The following MAP6 variants were observed in gnomAD, a reference collection of about 807,000 sequenced individuals.
MAP6 encodes microtubule-associated protein 6.
In MAP6, 26 loss-of-function variants were observed where a neutral mutation model predicts 42.4. The observed-to-expected ratio is 0.61, with a 90% CI of 0.45 to 0.85. MAP6 has a LOEUF of 0.85. Among genes scored for constraint, MAP6 ranks in the 40% least tolerant of loss-of-function variants. The pLI is 0.00. For missense variants in MAP6, 966 were observed against 1,099.0 expected (o/e 0.88, Z 1.71); for synonymous variants, 418 against 443.8 (o/e 0.94, Z 0.73).
At chr11:75,648,034 C>G (rs919640260) in intron 1 of MAP6, among the ~76,000 whole-genome samples, 4 of 152,010 alleles carry the variant, frequency 2.6e-5, no homozygotes, top group Non-Finnish European at 5.9e-5. Flanking sequence ...ATAGTGGGAA[C>G]TTTTTTAATC....
At chr11:75,604,795 G>GT (rs1388761334) in intron 3 of MAP6, 1 of 985,356 alleles carries the variant, frequency 1.0e-6, no homozygotes, top group Non-Finnish European at 1.2e-6. Context: ...CTGCAGCTAA[G>GT]TCACAGACAT....
chr11:75,598,266 T>C (rs1239584772), intron 3 of MAP6, among the ~76,000 whole-genome samples: 1 of 152,186 alleles, frequency 6.6e-6, no homozygotes, highest in Non-Finnish European at 1.5e-5. Context: ...AGCTAGTAAA[T>C]AGTAGAGCTT....
chr11:75,636,827 C>G (rs564492824), intron 1 of MAP6, among the ~76,000 whole-genome samples: 1 of 152,218 alleles, frequency 6.6e-6, no homozygotes, highest in Non-Finnish European at 1.5e-5. Flanking sequence ...AGAAGCCTTT[C>G]ATCCATATTC....
chr11:75,600,188 C>T (rs949139354), intron 3 of MAP6, among the ~76,000 whole-genome samples: 2 of 152,102 alleles, frequency 1.3e-5, no homozygotes, highest in African/African-American at 4.8e-5. Flanking sequence ...TCCAGGGGTT[C>T]CCTACAGCCC....
rs1045468966 is a variant in MAP6 at position 75,667,122 on chromosome 11, A to G, written c.905+343T>C. 2.0e-5 allele frequency among the ~76,000 whole-genome samples: 3 copies of G among 152,026 alleles called. No individual in the cohort carries two copies. The highest frequency in any genetic ancestry group is 7.3e-5 in the African/African-American group (3 of 41,376). On this transcript the variant is annotated intron_variant, in intron 1 of 3. Coordinates refer to ENST00000304771, the MANE Select transcript of MAP6 (RefSeq NM_033063.2). The surrounding 1 kb of genome is among the most constrained non-coding windows in gnomAD (Gnocchi z 5.6). ...AACATCCAGGCTAACGCAGCAGGTGAGTTGGATGGGGGCACGACGGAAGCA... is the reference window on the plus strand; with the variant it reads ...AACATCCAGGCTAACGCAGCAGGTGGGTTGGATGGGGGCACGACGGAAGCA...
At chr11:75,633,003 C>CT (rs1943308381) in intron 1 of MAP6, among the ~76,000 whole-genome samples, 1 of 146,906 alleles carries the variant, frequency 6.8e-6, no homozygotes, top group Non-Finnish European at 1.5e-5. Context: ...TTCTTTTTTT[C>CT]TTTTTTCTTT....
intron 1 of MAP6, among the ~76,000 whole-genome samples, chr11:75,622,902 G>T (rs997767520): frequency 6.6e-6 from 1 of 152,172 alleles, no homozygotes; most frequent in African/African-American, 2.4e-5. Context: ...TTAATGAACC[G>T]ATTGTTAAAT....
At chr11:75,664,287 C>T (rs763126604) in intron 1 of MAP6, among the ~76,000 whole-genome samples, 3 of 152,200 alleles carry the variant, frequency 2.0e-5, no homozygotes, top group Non-Finnish European at 2.9e-5. Flanking sequence ...AAATCTCAGG[C>T]TGATATGAAT....
In MAP6 at chr11:75,667,628, C is replaced by T. The variant is rs1341988764; in HGVS notation, c.742G>A (p.Val248Met). The change falls in exon 1 of 4, where the codon GTG becomes ATG. Residue 248 changes from valine to methionine, a missense_variant. Physicochemically the swap from Val to Met is conservative, Grantham distance 21. Around this residue, in one of 2 missense-constraint regions of MAP6, gnomAD observed 943 missense variants for 1,049.9 expected, o/e 0.90. Coordinates refer to ENST00000304771, the MANE Select transcript of MAP6 (RefSeq NM_033063.2). This position sits in a 1 kb window ranked among gnomAD's most constrained non-coding sequence, Gnocchi z 5.6. ...TRRKAGPAWI[V>M]RRAEGLGHEQ... Reference sequence around the variant, plus strand: ...TGCCCCAGGCCCTCGGCGCGGCGCACAATCCAGGCAGGCCCGGCCTTCCTG... The same window carrying T: ...TGCCCCAGGCCCTCGGCGCGGCGCATAATCCAGGCAGGCCCGGCCTTCCTG... 7.8e-7 allele frequency: 1 copy of T among 1,282,202 alleles called. No individual in the cohort carries two copies. Among genetic ancestry groups the T allele is most frequent in the Non-Finnish European group, 9.8e-7 (1 of 1,021,446 alleles). 79.4% of individuals were successfully genotyped at this position (1,282,202 alleles called of 1,614,324 possible).
intron 1 of MAP6, among the ~76,000 whole-genome samples, chr11:75,649,467 G>GA (rs766522857): frequency 1.8e-4 from 27 of 152,002 alleles, no homozygotes; most frequent in African/African-American, 6.0e-4. Flanking sequence ...TAGTGGGGGG[G>GA]AAAAATAACA....
At chr11:75,601,140 C>T (rs1482177291) in intron 3 of MAP6, among the ~76,000 whole-genome samples, 1 of 152,202 alleles carries the variant, frequency 6.6e-6, no homozygotes, top group Non-Finnish European at 1.5e-5. Context: ...AGGCCCCTGC[C>T]TTCCTGCCTT....
At chr11:75,649,082 C>T (rs1034149784) in intron 1 of MAP6, among the ~76,000 whole-genome samples, 2 of 152,068 alleles carry the variant, frequency 1.3e-5, no homozygotes, top group South Asian at 2.1e-4. Flanking sequence ...CACAGCTAGA[C>T]ATGTATAAGG....
At chr11:75,619,112 G>A (rs769074203) in intron 1 of MAP6, among the ~76,000 whole-genome samples, 26 of 152,264 alleles carry the variant, frequency 1.7e-4, no homozygotes, top group South Asian at 4.1e-4. Context: ...TGCATGAGGC[G>A]TGTGTGCAAG....
chr11:75,652,849 AAAG>A (rs1943671696), intron 1 of MAP6, among the ~76,000 whole-genome samples: 1 of 151,828 alleles, frequency 6.6e-6, no homozygotes, highest in Non-Finnish European at 1.5e-5. Flanking sequence ...AAAAAAAAAA[AAAG>A]AAGAAAAAAG....
chr11:75,641,237 A>G (rs1159145230), intron 1 of MAP6, among the ~76,000 whole-genome samples: 6 of 151,344 alleles, frequency 4.0e-5, no homozygotes, highest in Non-Finnish European at 7.4e-5. Context: ...TGCAAAGACA[A>G]AAAACTGAAC....
intron 1 of MAP6, among the ~76,000 whole-genome samples, chr11:75,633,281 T>C (rs1203708839): frequency 6.6e-6 from 1 of 152,230 alleles, no homozygotes; most frequent in East Asian, 1.9e-4. Context: ...TGCCTTTTGT[T>C]CTTTAGGCTA....
intron 3 of MAP6, chr11:75,605,045 C>G: frequency 1.0e-6 from 1 of 985,478 alleles, no homozygotes; most frequent in Non-Finnish European, 1.2e-6. Flanking sequence ...CGAGGAGAAT[C>G]AGAGGAAAAC....
intron 1 of MAP6, among the ~76,000 whole-genome samples, chr11:75,634,242 C>T (rs994691495): frequency 1.3e-5 from 2 of 152,128 alleles, no homozygotes; most frequent in Non-Finnish European, 2.9e-5. Flanking sequence ...GAAGTGGAAG[C>T]ATGACAAAAA....
At chr11:75,604,566 A>G (rs1942722852) in intron 3 of MAP6, 1 of 985,258 alleles carries the variant, frequency 1.0e-6, no homozygotes, top group African/African-American at 1.7e-5. Context: ...TTTTTCTGGT[A>G]ACTATTTTGA....
Sources: gnomAD v4.1 joint callset for allele counts (sites outside exome capture counted in the v4.1 genomes callset) on GRCh38, gnomAD v4.1.1 for gene constraint, gnomAD v4.1.1 regional missense constraint, Gnocchi (gnomAD v3.1) non-coding constraint, MANE v1.5 for transcripts, NCBI Gene and HGNC (gene_info 2026-07-23, HGNC 2026-07-21) for gene names.